Variants in PUS7 observed in about 807,000 individuals in gnomAD.
PUS7 encodes pseudouridine synthase 7.
Under a neutral mutation model 79.8 loss-of-function variants are expected in PUS7, and 48 were observed. The observed-to-expected ratio is 0.60, with a 90% CI of 0.48 to 0.76. PUS7 has a LOEUF of 0.76. Ranked by LOEUF, PUS7 falls within the 30% of genes least tolerant of loss-of-function variation. The pLI, the probability that PUS7 is intolerant of heterozygous loss-of-function variation, is 0.00. For missense variants in PUS7, 729 were observed against 797.6 expected (o/e 0.91, Z 1.04); for synonymous variants, 286 against 272.2 (o/e 1.05, Z -0.50).
chr7:105,489,165 AAAAG>A (rs1562803691), intron 7 of PUS7, among the ~76,000 whole-genome samples: 1 of 150,386 alleles, frequency 6.6e-6, no homozygotes, highest in East Asian at 1.9e-4. Context: ...AAAAAAAAAA[AAAAG>A]AAAGAAAGAA....
chr7:105,496,216 T>G (rs1456939454), intron 5 of PUS7, among the ~76,000 whole-genome samples: 10,594 of 75,570 alleles, frequency 0.14, 543 homozygotes, highest in Non-Finnish European at 0.18. Flanking sequence ...TATATATATA[T>G]ATATATATAT....
rs781402686 is a variant in PUS7 at position 105,514,795 on chromosome 7, CATTT to C, written c.-32-6255_-32-6252del. On this transcript the variant is annotated intron_variant, in intron 1 of 15. Coordinates refer to ENST00000469408, the MANE Select transcript of PUS7 (RefSeq NM_019042.5). ...CATATAATAACTAAAAATTCTCTCTCATTTTTTTTTTTTTGAGACGGAGTCTCGC... is the reference window on the plus strand; with the variant it reads ...CATATAATAACTAAAAATTCTCTCTCTTTTTTTTTTGAGACGGAGTCTCGC... Among the ~76,000 whole-genome samples, 8 of 112,670 alleles carry C rather than the reference CATTT, an allele frequency of 7.1e-5. No individual in the cohort carries two copies. The East Asian group carries it at 1.4e-3, about 20-fold the overall frequency. 73.9% of individuals were successfully genotyped at this position (112,670 alleles called of 152,430 possible).
At chr7:105,470,487 C>A in intron 11 of PUS7, 1 of 438,656 alleles carries the variant, frequency 2.3e-6, no homozygotes, top group Non-Finnish European at 3.9e-6. Context: ...CTTGTGCCCT[C>A]AATAAGTAAT....
chr7:105,521,805 C>CGGAGCGG lies in PUS7; in HGVS notation c.-33+240_-33+246dup, dbSNP rs1222198752. On this transcript the variant is annotated intron_variant, in intron 1 of 15. Transcript: ENST00000469408. ...CCTCCGGACGACTGGCCGGGCAGAGCGGAGCGGGGAGCGGGGAGCGGAGAG... is the reference window on the plus strand; with the variant it reads ...CCTCCGGACGACTGGCCGGGCAGAGCGGAGCGGGGAGCGGGGAGCGGGGAGCGGAGAG... 1.8e-4 allele frequency among the ~76,000 whole-genome samples: 27 copies of CGGAGCGG among 150,000 alleles called. No individual in the cohort carries two copies. In the East Asian group the frequency reaches 3.0e-3, roughly 17 times the overall value.
In PUS7 at chr7:105,522,252, C is replaced by G. The variant is rs1826155741; in HGVS notation, c.-233G>C. 6.6e-6 allele frequency: 1 copy of G among 151,530 alleles called. No homozygotes were observed. The highest frequency in any genetic ancestry group is 2.4e-5 in the African/African-American group (1 of 41,320). The allele number at this position is 151,530 out of a possible 1,614,324, so 9.4% of individuals were successfully genotyped here. A position where few individuals can be genotyped will look rare whatever the true frequency, so the allele number is the denominator to read the frequency against. The stretch of plus-strand genomic sequence containing the variant: ...CCGGGCTCGCACACGTGCGGCGCAG[C>G]GACGCGCCGCGGCCCGACTGGACCC... On this transcript the variant is annotated 5_prime_UTR_variant, in exon 1 of 16. Transcript: ENST00000469408.
intron 5 of PUS7, chr7:105,497,098 G>T: frequency 1.8e-6 from 1 of 555,184 alleles, no homozygotes; most frequent in Non-Finnish European, 2.4e-6. Context: ...TACAGCACCC[G>T]GTAGTTATGC....
In PUS7 at chr7:105,456,694, C is replaced by A. The variant is rs1823201714; in HGVS notation, c.*1096G>T. On this transcript the variant is annotated 3_prime_UTR_variant, in exon 16 of 16. Coordinates refer to ENST00000469408, the MANE Select transcript of PUS7 (RefSeq NM_019042.5). Reference sequence around the variant, plus strand: ...TTATGCAATGCCAGACATGGAAATACCAAAGCCACTGGTGACAAAGGGTAA... The same window carrying A: ...TTATGCAATGCCAGACATGGAAATAACAAAGCCACTGGTGACAAAGGGTAA... The A allele has an allele frequency of 6.6e-6, 1 of 152,100 alleles. No individual in the cohort carries two copies. The highest frequency in any genetic ancestry group is 1.5e-5 in the Non-Finnish European group (1 of 68,022). 9.4% of individuals were successfully genotyped at this position (152,100 alleles called of 1,614,324 possible).
intron 1 of PUS7, among the ~76,000 whole-genome samples, chr7:105,521,664 C>G (rs1309788287): frequency 6.6e-6 from 1 of 152,176 alleles, no homozygotes; most frequent in African/African-American, 2.4e-5. Flanking sequence ...GCCAGTGTTC[C>G]TCTGACGGAG....
chr7:105,458,049 G>A, intron 15 of PUS7, 123 bp from the exon 16 acceptor site: 1 of 1,116,338 alleles, frequency 9.0e-7, no homozygotes, highest in Non-Finnish European at 1.2e-6. Flanking sequence ...CACTTCCTAG[G>A]GGGCCTTGGA....
chr7:105,508,369 C>A lies in PUS7; in HGVS notation c.144G>T (p.Gln48His), dbSNP rs1038186876. Residue 48 changes from glutamine (Q) to histidine (H), a missense_variant, in exon 2 of 16, where the codon CAG (glutamine) becomes CAT (histidine). Physicochemically the swap from Gln to His is conservative, Grantham distance 24 (BLOSUM62 0). Coordinates refer to ENST00000469408, the MANE Select transcript of PUS7 (RefSeq NM_019042.5). ...CTTCACTGATGGACAGAAAGTCATT[C>A]TGTAGCCCATCTTGACCTTTGGTTA... Reference protein sequence around the residue: ...CSLTKGQDGLQNDFLSISEDV... With the variant: ...CSLTKGQDGLHNDFLSISEDV... 4.3e-6 allele frequency: 7 copies of A among 1,614,038 alleles called. No individual in the cohort carries two copies. In the South Asian group the frequency reaches 6.6e-5, roughly 15 times the overall value.
chr7:105,466,180 A>T (rs1004585972), intron 12 of PUS7, among the ~76,000 whole-genome samples: 8 of 151,130 alleles, frequency 5.3e-5, no homozygotes, highest in Non-Finnish European at 7.4e-5. Flanking sequence ...AAAAAAAATT[A>T]AGTTTGGATA....
chr7:105,506,666 G>A (rs925017982), intron 2 of PUS7, among the ~76,000 whole-genome samples: 3 of 151,976 alleles, frequency 2.0e-5, no homozygotes, highest in African/African-American at 7.3e-5. Flanking sequence ...CAAGTGATCT[G>A]CCCATCTTGG....
intron 7 of PUS7, among the ~76,000 whole-genome samples, chr7:105,483,733 T>G (rs1824426767): frequency 6.6e-6 from 1 of 152,186 alleles, no homozygotes; most frequent in Admixed American, 6.5e-5. Context: ...TGGCCTCAAG[T>G]GATCCACCCA....
In PUS7 at chr7:105,502,405, C is replaced by T; in HGVS notation, c.730+15G>A. The T allele has an allele frequency of 6.8e-6, 11 of 1,613,722 alleles. No homozygotes were observed. The highest frequency in any genetic ancestry group is 8.5e-6 in the Non-Finnish European group (10 of 1,179,768). Reference sequence around the variant, plus strand: ...ACGGCTGCCTGGCAGGAGGAAGCTGCTCACAGACACCTACTTGCCAAAGCC... The same window carrying T: ...ACGGCTGCCTGGCAGGAGGAAGCTGTTCACAGACACCTACTTGCCAAAGCC... On this transcript the variant is annotated intron_variant, in intron 5 of 15. Transcript: ENST00000469408.
intron 5 of PUS7, 56 bp from the exon 6 acceptor site, chr7:105,495,309 G>A: frequency 9.7e-7 from 1 of 1,033,910 alleles, no homozygotes; most frequent in South Asian, 1.4e-5. Flanking sequence ...ATAGATGTAA[G>A]AGCTCATTTT....
intron 9 of PUS7, among the ~76,000 whole-genome samples, chr7:105,477,373 G>A (rs900970604): frequency 2.0e-5 from 3 of 151,896 alleles, no homozygotes; most frequent in East Asian, 1.9e-4. Context: ...TCAGCCTCCC[G>A]AGTAGCTGGG....
At chr7:105,517,226 T>C (rs1825930158) in intron 1 of PUS7, among the ~76,000 whole-genome samples, 1 of 151,786 alleles carries the variant, frequency 6.6e-6, no homozygotes, top group Non-Finnish European at 1.5e-5. Flanking sequence ...GTGTGATCTC[T>C]GCTCACTGCA....
Position 105,495,172 on chromosome 7 carries a change from T to A in PUS7, c.812A>T (p.Asp271Val). 1 of 1,610,424 alleles carries A rather than the reference T, an allele frequency of 6.2e-7. No individual in the cohort carries two copies. Among genetic ancestry groups the A allele is most frequent in the Non-Finnish European group, 8.5e-7 (1 of 1,177,340 alleles). ...GTATTTGGAGAGTACATTAATAGCA[T>A]CCATGGTGTCTTTGTTTTCCTTATA... ...VLYKENKDTM[D>V]AINVLSKYLR... The change falls in exon 6 of 16, where the codon GAT becomes GTT. Residue 271 changes from aspartate to valine, a missense_variant. Physicochemically the swap from Asp to Val is radical, Grantham distance 152. Coordinates refer to ENST00000469408, the MANE Select transcript of PUS7 (RefSeq NM_019042.5).
In PUS7 at chr7:105,505,982, T is replaced by G; in HGVS notation, c.558A>C (p.Lys186Asn). 6.2e-7 allele frequency: 1 copy of G among 1,613,270 alleles called. No homozygotes were observed. Among genetic ancestry groups the G allele is most frequent in the Non-Finnish European group, 8.5e-7 (1 of 1,179,708 alleles). Residue 186 changes from lysine (K) to asparagine (N), a missense_variant, in exon 4 of 16, where the codon AAA becomes AAC. By Grantham distance (94) the Lys-to-Asn change is moderately conservative. Transcript: ENST00000469408. ...KQRLEELQLF[K>N]NKETSVAIEV... is the part of the protein sequence containing the mutation. The stretch of plus-strand genomic sequence containing the variant: ...CAATGGCAACACTGGTTTCCTTATT[T>G]TTGAACAGCTGGAGCTCTTCCAATC...
Sources: gnomAD v4.1 joint callset for allele counts (sites outside exome capture counted in the v4.1 genomes callset) on GRCh38, gnomAD v4.1.1 for gene constraint, MANE v1.5 for transcripts, NCBI Gene and HGNC (gene_info 2026-07-23, HGNC 2026-07-21) for gene names.